Variants in THNSL1 observed in about 807,000 individuals in gnomAD.
THNSL1 encodes threonine synthase-like 1.
In THNSL1, 48 loss-of-function variants were observed where a neutral mutation model predicts 50.4. The observed-to-expected ratio is 0.95, with a 90% CI of 0.76 to 1.21. THNSL1 has a LOEUF of 1.21. Ranked by LOEUF, THNSL1 falls within the 50% of genes most tolerant of loss-of-function variation. The pLI is 0.00. For missense variants in THNSL1, 896 were observed against 871.7 expected (o/e 1.03, Z -0.35); for synonymous variants, 309 against 306.1 (o/e 1.01, Z -0.10).
chr10:24,997,721 G>A, the THNSL1 span, among the ~76,000 whole-genome samples: 1 of 151,672 alleles, frequency 6.6e-6, no homozygotes, highest in African/African-American at 2.4e-5. Context: ...TATTCTAAAG[G>A]CCAATGAAAT....
chr10:24,974,829 C>T, the THNSL1 span, among the ~76,000 whole-genome samples: 26 of 152,208 alleles, frequency 1.7e-4, no homozygotes, highest in African/African-American at 6.0e-4. Flanking sequence ...TCTTTAATAA[C>T]GTTTTGGGTA....
chr10:24,974,371 A>G, the THNSL1 span, among the ~76,000 whole-genome samples: 1 of 152,204 alleles, frequency 6.6e-6, no homozygotes, highest in Non-Finnish European at 1.5e-5. Flanking sequence ...TAATAATAAA[A>G]TATCAGTCGG....
At chr10:25,007,756 G>C in the THNSL1 span, among the ~76,000 whole-genome samples, 1 of 152,024 alleles carries the variant, frequency 6.6e-6, no homozygotes, top group East Asian at 1.9e-4. Context: ...CTGAATTATA[G>C]GCAGTAACTC....
At position 25,023,516 on chromosome 10, in the gene THNSL1, G is replaced by A. The variant is rs1342240090; in HGVS notation, c.293G>A (p.Ser98Asn). The A allele has an allele frequency of 6.2e-7, 1 of 1,614,100 alleles. No individual in the cohort carries two copies. The highest frequency in any genetic ancestry group is 8.5e-7 in the Non-Finnish European group (1 of 1,179,998). ...ATCCTTGAAAAAACCTGGAATATGA[G>A]TGTGTCTGAAAAATTACAGGATGTT... Reference protein sequence around the residue: ...DDILEKTWNMSVSEKLQDVGN... With the variant: ...DDILEKTWNMNVSEKLQDVGN... Residue 98 changes from serine to asparagine, a missense_variant, in exon 3 of 3, where the codon AGT becomes AAT. By Grantham distance (46) the Ser-to-Asn change is conservative (BLOSUM62 1). Transcript: ENST00000376356.
chr10:24,962,343 C>T, the THNSL1 span, among the ~76,000 whole-genome samples: 9 of 152,156 alleles, frequency 5.9e-5, no homozygotes, highest in Admixed American at 4.6e-4. Flanking sequence ...TATTGCTTTA[C>T]TATTTTTATC....
At chr10:24,960,342 G>A in the THNSL1 span, among the ~76,000 whole-genome samples, 1 of 152,130 alleles carries the variant, frequency 6.6e-6, no homozygotes, top group African/African-American at 2.4e-5. Context: ...GGAATCTATT[G>A]CAGCTCTCAC....
the THNSL1 span, among the ~76,000 whole-genome samples, chr10:24,979,075 C>T: frequency 2.3e-4 from 35 of 152,196 alleles, no homozygotes; most frequent in South Asian, 5.6e-3. Flanking sequence ...CCAGTGTTTA[C>T]GAATAAATCA....
chr10:24,962,256 A>T, the THNSL1 span, among the ~76,000 whole-genome samples: 1 of 152,256 alleles, frequency 6.6e-6, no homozygotes, highest in East Asian at 1.9e-4. Context: ...GTAAAACAAA[A>T]GTAAATTACA....
At chr10:24,953,304 G>C in the THNSL1 span, 7 of 151,108 alleles carry the variant, frequency 4.6e-5, no homozygotes, top group South Asian at 2.2e-4. Flanking sequence ...GATTACACCC[G>C]ATTGCTTTTA....
chr10:24,968,594 T>G, the THNSL1 span, among the ~76,000 whole-genome samples: 3 of 152,178 alleles, frequency 2.0e-5, no homozygotes, highest in African/African-American at 7.2e-5. Flanking sequence ...CTACACTGCC[T>G]CTTCTCCTCC....
At chr10:24,989,184 A>G in the THNSL1 span, among the ~76,000 whole-genome samples, 1 of 152,194 alleles carries the variant, frequency 6.6e-6, no homozygotes, top group African/African-American at 2.4e-5. Flanking sequence ...GAAAATCCAA[A>G]TGAGAGAGAC....
At chr10:25,005,068 T>C in the THNSL1 span, among the ~76,000 whole-genome samples, 1 of 152,198 alleles carries the variant, frequency 6.6e-6, no homozygotes, top group African/African-American at 2.4e-5. Context: ...CAGATACTTG[T>C]AAGTGGGCAG....
the THNSL1 span, among the ~76,000 whole-genome samples, chr10:24,970,151 T>C: frequency 6.6e-6 from 1 of 152,254 alleles, no homozygotes; most frequent in African/African-American, 2.4e-5. Flanking sequence ...CCTTTCAAGA[T>C]GATCTGTACT....
In THNSL1 at chr10:25,025,556, T is replaced by C. The variant is rs1191200935; in HGVS notation, c.*101T>C. On this transcript the variant is annotated 3_prime_UTR_variant, in exon 3 of 3. Coordinates refer to ENST00000376356, the MANE Select transcript of THNSL1 (RefSeq NM_024838.5). ...TAGCATTTTGTCTTTTATGTAAATA[T>C]CTCTATATCTGTTTGGAATTTCAAA... 3 of 1,142,586 alleles carry C rather than the reference T, an allele frequency of 2.6e-6. No individual in the cohort carries two copies. The highest frequency in any genetic ancestry group is 5.0e-5 in the East Asian group (2 of 39,710). 70.8% of individuals were successfully genotyped at this position (1,142,586 alleles called of 1,614,324 possible).
At chr10:24,989,075 G>T in the THNSL1 span, among the ~76,000 whole-genome samples, 1 of 152,058 alleles carries the variant, frequency 6.6e-6, no homozygotes, top group Non-Finnish European at 1.5e-5. Context: ...AGAAGGGAAG[G>T]ACCTGTCACT....
rs763120942 is a variant in THNSL1, at chr10:25,024,614, T to C, written c.1391T>C (p.Ile464Thr). 1.2e-5 allele frequency: 19 copies of C among 1,614,122 alleles called. 1 individual carries two copies. The South Asian group carries it at 1.8e-4, about 15-fold the overall frequency. The stretch of plus-strand genomic sequence containing the variant: ...TTTCTTACTGTGGAATATGGAACAA[T>C]CTTAAGTTCGGCTAACTCCATAAAC... ...TGFLTVEYGTILSSANSINWG... is the reference protein window; with the variant it reads ...TGFLTVEYGTTLSSANSINWG... The change falls in exon 3 of 3, where the codon ATC (isoleucine) becomes ACC (threonine). Residue 464 changes from isoleucine to threonine, a missense_variant. Ile to Thr is a moderately conservative substitution (Grantham distance 89). Coordinates refer to ENST00000376356, the MANE Select transcript of THNSL1 (RefSeq NM_024838.5).
At chr10:24,961,852 A>G in the THNSL1 span, among the ~76,000 whole-genome samples, 1 of 152,174 alleles carries the variant, frequency 6.6e-6, no homozygotes, top group Non-Finnish European at 1.5e-5. Context: ...ACCAGACTCC[A>G]CCACCTACCA....
chr10:25,000,713 G>T, the THNSL1 span, among the ~76,000 whole-genome samples: 1 of 152,126 alleles, frequency 6.6e-6, no homozygotes, highest in Non-Finnish European at 1.5e-5. Context: ...AGACTGCATA[G>T]AAATTTTATC....
At chr10:24,956,017 G>T in the THNSL1 span, among the ~76,000 whole-genome samples, 1 of 152,084 alleles carries the variant, frequency 6.6e-6, no homozygotes, top group Non-Finnish European at 1.5e-5. Flanking sequence ...TTATAGTCCA[G>T]GGATAGTCTA....
Sources: allele counts gnomAD v4.1 joint callset (sites outside exome capture counted in the v4.1 genomes callset), GRCh38; gene constraint gnomAD v4.1.1; transcripts MANE v1.5; gene names NCBI Gene and HGNC (gene_info 2026-07-23, HGNC 2026-07-21).